Variants in USP12 observed in about 807,000 individuals in gnomAD.
USP12 encodes ubiquitin carboxyl-terminal hydrolase 12.
A neutral mutation model predicts 45.5 loss-of-function variants in USP12; 19 were observed. The observed-to-expected ratio is 0.42, with a 90% CI of 0.29 to 0.61. USP12 has a LOEUF of 0.61. USP12 is among the 20% of genes least tolerant of loss of function. USP12 has a pLI of 0.22. For missense variants in USP12, 242 were observed against 447.7 expected (o/e 0.54, Z 4.15); for synonymous variants, 149 against 148.8 (o/e 1.00, Z -0.01).
At position 27,068,059 on chromosome 13, in the gene USP12, T is replaced by C. The variant is rs1023391539; in HGVS notation, c.*1224A>G. 1 of 152,246 alleles carries C rather than the reference T, an allele frequency of 6.6e-6. No individual in the cohort carries two copies. The highest frequency in any genetic ancestry group is 2.4e-5 in the African/African-American group (1 of 41,454). 9.4% of individuals were successfully genotyped at this position (152,246 alleles called of 1,614,324 possible). On this transcript the variant is annotated 3_prime_UTR_variant, in exon 9 of 9. Transcript: ENST00000282344. The stretch of plus-strand genomic sequence containing the variant: ...TTGTCTTTTGTATTCCCGGTCTACT[T>C]GATTAAAATTTAATCTTTGAAGGGT...
chr13:27,071,048 T>C (rs1873226115), intron 8 of USP12, 23 bp downstream of exon 8: 2 of 1,582,530 alleles, frequency 1.3e-6, no homozygotes, highest in Non-Finnish European at 8.6e-7. Flanking sequence ...CTTTCAAAAA[T>C]AAGAAATTAA....
intron 1 of USP12, among the ~76,000 whole-genome samples, chr13:27,135,657 G>GT (rs1876768613): frequency 1.3e-5 from 2 of 152,198 alleles, no homozygotes; most frequent in African/African-American, 4.8e-5. Flanking sequence ...AAAGGTTGCA[G>GT]TATGCCGAGA....
chr13:27,166,971 T>C (rs1004818979), intron 1 of USP12, among the ~76,000 whole-genome samples: 1 of 152,196 alleles, frequency 6.6e-6, no homozygotes. Flanking sequence ...ATGATAATGA[T>C]AACATGATAA....
intron 2 of USP12, among the ~76,000 whole-genome samples, chr13:27,111,397 C>CA (rs1471979715): frequency 2.6e-5 from 4 of 151,922 alleles, no homozygotes; most frequent in Admixed American, 2.6e-4. Context: ...TCTTAAAAAA[C>CA]AAAAAAACAT....
At chr13:27,092,966 G>T (rs935761835) in intron 4 of USP12, among the ~76,000 whole-genome samples, 4 of 152,192 alleles carry the variant, frequency 2.6e-5, no homozygotes, top group African/African-American at 9.7e-5. Context: ...GGAGGCCAAG[G>T]TGGGTGGATC....
At chr13:27,148,711 G>T (rs1199049319) in intron 1 of USP12, among the ~76,000 whole-genome samples, 3 of 140,810 alleles carry the variant, frequency 2.1e-5, no homozygotes, top group Non-Finnish European at 4.6e-5. Flanking sequence ...AATAATAACA[G>T]CACAAAAGAG....
chr13:27,123,534 T>C (rs1024868963), intron 1 of USP12, among the ~76,000 whole-genome samples: 1 of 152,218 alleles, frequency 6.6e-6, no homozygotes, highest in Non-Finnish European at 1.5e-5. Context: ...TCATCTTGAA[T>C]TGTAGCTCTC....
chr13:27,149,260 A>G (rs1163130146), intron 1 of USP12, among the ~76,000 whole-genome samples: 1 of 152,212 alleles, frequency 6.6e-6, no homozygotes, highest in African/African-American at 2.4e-5. Context: ...AAACGCATCT[A>G]TAAAAAACTC....
At chr13:27,122,150 C>T (rs946901419) in intron 1 of USP12, among the ~76,000 whole-genome samples, 8 of 152,040 alleles carry the variant, frequency 5.3e-5, no homozygotes, top group Non-Finnish European at 1.2e-4. Flanking sequence ...GGCGAAACCC[C>T]GTGATATGGT....
rs367620846 is a variant in USP12 at position 27,105,882 on chromosome 13, C to A, written c.192G>T (p.Arg64=). The A allele has an allele frequency of 1.6e-4, 265 of 1,613,566 alleles. No individual in the cohort carries two copies. The highest frequency in any genetic ancestry group is 2.2e-4 in the Non-Finnish European group (256 of 1,179,792). The change falls in exon 3 of 9, where the codon CGG becomes CGT. Residue 64 remains arginine (R), a synonymous_variant. Transcript: ENST00000282344. Reference sequence around the variant, plus strand: ...GACTCTTATACGCAAGAACTTTTTCCCGAAATGGACGACAAAAATAAAGTG... The same window carrying A: ...GACTCTTATACGCAAGAACTTTTTCACGAAATGGACGACAAAAATAAAGTG... The part of the protein sequence containing the change: ...LQALYFCRPF[R]EKVLAYKSQP...
At chr13:27,155,447 C>T (rs1258299108) in intron 1 of USP12, among the ~76,000 whole-genome samples, 35 of 152,114 alleles carry the variant, frequency 2.3e-4, no homozygotes, top group Non-Finnish European at 5.0e-4. Context: ...TAATATGTTA[C>T]AGCCCCATTG....
chr13:27,166,450 G>GA (rs1168493067), intron 1 of USP12, among the ~76,000 whole-genome samples: 1 of 152,134 alleles, frequency 6.6e-6, no homozygotes, highest in African/African-American at 2.4e-5. Flanking sequence ...AGTTTGGGGG[G>GA]ACTTGGTCAA....
intron 6 of USP12, among the ~76,000 whole-genome samples, chr13:27,082,709 T>C (rs1160661302): frequency 6.6e-6 from 1 of 152,294 alleles, no homozygotes; most frequent in East Asian, 1.9e-4. Context: ...TAGAAGCCAT[T>C]GTAAGGTTAT....
At chr13:27,075,435 C>A in intron 6 of USP12, 47 bp from the exon 7 acceptor site, 1 of 1,509,726 alleles carries the variant, frequency 6.6e-7, no homozygotes. Flanking sequence ...AGATATCCAC[C>A]ATGTCCTTGA....
rs567833040 is a variant in USP12, at chr13:27,123,647, T to G, written c.49-7051A>C. On this transcript the variant is annotated intron_variant, in intron 1 of 8. Coordinates refer to ENST00000282344, the MANE Select transcript of USP12 (RefSeq NM_182488.4). Reference sequence around the variant, plus strand: ...GTGATAGTGAATAAGTCTCATGAGATCTGATGATTTTACAAAGGGCAGTTC... The same window carrying G: ...GTGATAGTGAATAAGTCTCATGAGAGCTGATGATTTTACAAAGGGCAGTTC... 9.8e-5 allele frequency among the ~76,000 whole-genome samples: 15 copies of G among 152,316 alleles called. No individual in the cohort carries two copies. In the East Asian group the frequency reaches 2.9e-3, roughly 29 times the overall value.
At chr13:27,095,482 A>T in intron 4 of USP12, 119 bp downstream of exon 4, 1 of 700,326 alleles carries the variant, frequency 1.4e-6, no homozygotes, top group Non-Finnish European at 2.2e-6. Context: ...ATACATCTTT[A>T]ACTCCTATAC....
At chr13:27,082,992 C>T (rs1437676203) in intron 6 of USP12, among the ~76,000 whole-genome samples, 1 of 152,302 alleles carries the variant, frequency 6.6e-6, no homozygotes, top group South Asian at 2.1e-4. Context: ...TGCGCCACCA[C>T]GTCCAGCTAA....
chr13:27,121,778 G>A (rs553128155), intron 1 of USP12, among the ~76,000 whole-genome samples: 14 of 151,934 alleles, frequency 9.2e-5, no homozygotes, highest in East Asian at 3.9e-4. Flanking sequence ...GGAGAATGGC[G>A]CGAACCTGGG....
chr13:27,078,617 A>G (rs1160331978), intron 6 of USP12, among the ~76,000 whole-genome samples: 1 of 151,710 alleles, frequency 6.6e-6, no homozygotes, highest in Non-Finnish European at 1.5e-5. Context: ...TGGCTATACT[A>G]ATGTCAGACA....
Sources: allele counts gnomAD v4.1 joint callset (sites outside exome capture counted in the v4.1 genomes callset), GRCh38; gene constraint gnomAD v4.1.1; transcripts MANE v1.5; gene names NCBI Gene and HGNC (gene_info 2026-07-23, HGNC 2026-07-21).